The following IFI44L variants were observed in gnomAD, a reference collection of about 807,000 sequenced individuals.
IFI44L encodes the protein interferon-induced protein 44-like.
IFI44L carries 40 observed loss-of-function variants against 39.3 expected under a neutral mutation model. The ratio of observed to expected loss-of-function variants is 1.02; its 90% CI spans 0.79 to 1.33. The LOEUF (loss-of-function observed/expected upper bound fraction) is 1.33, where lower values mean the gene tolerates loss of function less well. Ranked by LOEUF, IFI44L falls within the 40% of genes most tolerant of loss-of-function variation. The probability of loss-of-function intolerance (pLI) is 0.00; values close to 1 mark genes in which losing one functional copy is unlikely to be tolerated. For synonymous variants in IFI44L, 198 were observed against 182.3 expected (o/e 1.09, Z -0.69); for missense variants, 623 against 549.0 (o/e 1.13, Z -1.35).
rs141755958 is a variant in IFI44L at position 78,634,325 on chromosome 1, G to A, written c.724-1012G>A. Among the ~76,000 whole-genome samples the A allele has an allele frequency of 4.4e-3, 662 of 152,118 alleles. 4 individuals are homozygous for A. The highest frequency in any genetic ancestry group is 0.015 in the African/African-American group (640 of 41,512). The stretch of plus-strand genomic sequence containing the variant: ...AAAGAGAGGATTCTGAAAACTGGAA[G>A]ATAAAAAAGCAAATAACATATTAGA... On this transcript the variant is annotated intron_variant, in intron 4 of 8. Transcript: ENST00000370751.
chr1:78,642,016 C>G lies in IFI44L; in HGVS notation c.*207C>G, dbSNP rs1570370561. 8.1e-6 allele frequency: 5 copies of G among 616,920 alleles called. No homozygotes were observed. The East Asian group carries it at 1.4e-4, about 17-fold the overall frequency. 38.2% of individuals were successfully genotyped at this position (616,920 alleles called of 1,614,324 possible). Reference sequence around the variant, plus strand: ...TACTGCAAACCACCCCTCCATATTTCCGTACCATTTACAATTCAGTTTCTG... The same window carrying G: ...TACTGCAAACCACCCCTCCATATTTGCGTACCATTTACAATTCAGTTTCTG... On this transcript the variant is annotated 3_prime_UTR_variant, in exon 9 of 9. Coordinates refer to ENST00000370751, the MANE Select transcript of IFI44L (RefSeq NM_006820.4).
At chr1:78,629,230 A>C (rs1652622040) in intron 3 of IFI44L, among the ~76,000 whole-genome samples, 1 of 152,176 alleles carries the variant, frequency 6.6e-6, no homozygotes, top group African/African-American at 2.4e-5. Flanking sequence ...AAAATTTTCC[A>C]GGTAGGGTCT....
At chr1:78,634,080 C>T (rs1230964152) in intron 4 of IFI44L, among the ~76,000 whole-genome samples, 4 of 151,804 alleles carry the variant, frequency 2.6e-5, no homozygotes, top group Non-Finnish European at 5.9e-5. Flanking sequence ...ATTTATGGGA[C>T]ATCATCAAAA....
In IFI44L at chr1:78,624,022, T is replaced by G. The variant is rs550641391; in HGVS notation, c.-11+3451T>G. On this transcript the variant is annotated intron_variant, in intron 1 of 8. Coordinates refer to ENST00000370751, the MANE Select transcript of IFI44L (RefSeq NM_006820.4). ...TTTCTTTTTTTCCTTTCTTTTCTTT[T>G]TTTGAGATGGAGTGTCTCTCTGTCA... Among the ~76,000 whole-genome samples the G allele has an allele frequency of 2.0e-4, 31 of 152,294 alleles. No individual in the cohort carries two copies. In the South Asian group the frequency reaches 5.2e-3, roughly 26 times the overall value.
intron 5 of IFI44L, 100 bp downstream of exon 5, chr1:78,635,589 G>T (rs1363228181): frequency 3.9e-6 from 4 of 1,014,682 alleles, no homozygotes; most frequent in Non-Finnish European, 6.0e-6. Context: ...CCATAATGTG[G>T]TTTCAACATC....
At chr1:78,621,087 A>G (rs946735962) in intron 1 of IFI44L, 1 of 152,116 alleles carries the variant, frequency 6.6e-6, no homozygotes, top group Non-Finnish European at 1.5e-5. Flanking sequence ...TTGCTCTTTC[A>G]TTTGTCTTTT....
At chr1:78,631,771 AT>A (rs1285209503) in intron 4 of IFI44L, 2 of 152,184 alleles carry the variant, frequency 1.3e-5, no homozygotes, top group East Asian at 3.9e-4. Flanking sequence ...GTTCAAAACT[AT>A]TTTTAGAATT....
chr1:78,643,998 A>AT lies in IFI44L; in HGVS notation c.*2191dup, dbSNP rs891231655. The AT allele has an allele frequency of 1.3e-5, 2 of 152,130 alleles. No individual in the cohort carries two copies. The highest frequency in any genetic ancestry group is 2.9e-5 in the Non-Finnish European group (2 of 68,016). The allele number at this position is 152,130 out of a possible 1,614,324, so 9.4% of individuals were successfully genotyped here. ...ATGTAGTGGTTAATGTTTGCTGTTC[A>AT]TTAGGATGGTTTCACAGTTACCATA... On this transcript the variant is annotated 3_prime_UTR_variant, in exon 9 of 9. Coordinates refer to ENST00000370751, the MANE Select transcript of IFI44L (RefSeq NM_006820.4).
At chr1:78,623,074 A>G (rs1652336298) in intron 1 of IFI44L, among the ~76,000 whole-genome samples, 1 of 152,228 alleles carries the variant, frequency 6.6e-6, no homozygotes, top group South Asian at 2.1e-4. Flanking sequence ...AGTTAATACT[A>G]TTACTTTATC....
At chr1:78,623,389 G>GTTTTT (rs1222507453) in intron 1 of IFI44L, among the ~76,000 whole-genome samples, 9 of 19,942 alleles carry the variant, frequency 4.5e-4, no homozygotes, top group Non-Finnish European at 3.5e-4. Flanking sequence ...TGGTTTAAGT[G>GTTTTT]TTTTTTGTTT....
intron 1 of IFI44L, among the ~76,000 whole-genome samples, chr1:78,623,712 C>G (rs932193592): frequency 2.0e-5 from 3 of 152,002 alleles, no homozygotes; most frequent in Non-Finnish European, 4.4e-5. Flanking sequence ...AACTCCCAGT[C>G]TGAAATCAAA....
rs1231600920 is a variant in IFI44L at position 78,642,907 on chromosome 1, A to G, written c.*1098A>G. 6.6e-6 allele frequency: 1 copy of G among 152,126 alleles called. No individual in the cohort carries two copies. The highest frequency in any genetic ancestry group is 1.5e-5 in the Non-Finnish European group (1 of 68,006). 9.4% of individuals were successfully genotyped at this position (152,126 alleles called of 1,614,324 possible). On this transcript the variant is annotated 3_prime_UTR_variant, in exon 9 of 9. Coordinates refer to ENST00000370751, the MANE Select transcript of IFI44L (RefSeq NM_006820.4). ...AGAAAGTTCTTATATTTATGCTCCA[A>G]ATAATTCTGAAGTCCTCTTACTAGC...
Position 78,629,893 on chromosome 1 carries a change from A to G in IFI44L, c.701A>G (p.Asp234Gly). 4.3e-6 allele frequency: 7 copies of G among 1,613,676 alleles called. No individual in the cohort carries two copies. Among genetic ancestry groups the G allele is most frequent in the Non-Finnish European group, 5.1e-6 (6 of 1,179,732 alleles). Residue 234 changes from aspartate (D) to glycine (G), a missense_variant, in exon 4 of 9, where the codon GAT becomes GGT. Physicochemically the swap from Asp to Gly is moderately conservative, Grantham distance 94. Coordinates refer to ENST00000370751, the MANE Select transcript of IFI44L (RefSeq NM_006820.4). The part of the protein sequence containing the change: ...HVTGQAVVGS[D>G]ITSITERYRI... ...ACTGGCCAAGCCGTAGTGGGGTCTG[A>G]TATCACCAGCATAACCGAGCGGGTA...
chr1:78,630,105 G>A (rs1202836839), intron 4 of IFI44L, 190 bp downstream of exon 4: 8 of 578,880 alleles, frequency 1.4e-5, no homozygotes, highest in East Asian at 3.0e-5. Context: ...AAATTTTATG[G>A]ATGGAAGAAG....
At chr1:78,638,085 C>T (rs1653018786) in intron 6 of IFI44L, among the ~76,000 whole-genome samples, 1 of 152,040 alleles carries the variant, frequency 6.6e-6, no homozygotes, top group Non-Finnish European at 1.5e-5. Context: ...TTTCTGCATT[C>T]TTGCTAGTAT....
Position 78,628,094 on chromosome 1 carries a change from T to C in IFI44L, c.179T>C (p.Met60Thr). ...ACAATGGCTTACATTGATTACAATA[T>C]GATTGTAGCCTTTATGCTTGGAAAT... ...TITMAYIDYNMIVAFMLGNYI... is the reference protein window; with the variant it reads ...TITMAYIDYNTIVAFMLGNYI... Residue 60 changes from methionine to threonine, a missense_variant, in exon 2 of 9, where the codon ATG (methionine) becomes ACG (threonine). Physicochemically the swap from Met to Thr is moderately conservative, Grantham distance 81. Coordinates refer to ENST00000370751, the MANE Select transcript of IFI44L (RefSeq NM_006820.4). 6.2e-7 allele frequency: 1 copy of C among 1,613,052 alleles called. No homozygotes were observed. The highest frequency in any genetic ancestry group is 1.3e-5 in the African/African-American group (1 of 75,022).
chr1:78,627,798 TTTAA>T (rs1211022926), intron 1 of IFI44L, 104 bp from the exon 2 acceptor site: 1 of 527,596 alleles, frequency 1.9e-6, no homozygotes, highest in African/African-American at 2.0e-5. Flanking sequence ...AACAATGTGT[TTTAA>T]TTGAGTCAGT....
At chr1:78,627,640 T>C (rs887535541) in intron 1 of IFI44L, 25 of 227,554 alleles carry the variant, frequency 1.1e-4, no homozygotes, top group African/African-American at 5.4e-4. Flanking sequence ...CTGACTCTTA[T>C]TGAGATTTAT....
At chr1:78,626,734 G>A (rs273261) in intron 1 of IFI44L, 57,945 of 151,198 alleles carry the variant, frequency 0.38, 11,706 homozygotes, top group East Asian at 0.76. Context: ...TTTTTTTTAC[G>A]TGGATGAATT....
Sources: gnomAD v4.1 joint callset for allele counts (sites outside exome capture counted in the v4.1 genomes callset) on GRCh38, gnomAD v4.1.1 for gene constraint, MANE v1.5 for transcripts, NCBI Gene and HGNC (gene_info 2026-07-23, HGNC 2026-07-21) for gene names.